Variants in MAP4K5 observed in about 807,000 individuals in gnomAD.
MAP4K5 encodes MAPK/ERK kinase kinase kinase 5.
MAP4K5 carries 82 observed loss-of-function variants against 135.6 expected under a neutral mutation model. The observed-to-expected ratio is 0.60, with a 90% CI of 0.51 to 0.73. The LOEUF (loss-of-function observed/expected upper bound fraction) is 0.73. MAP4K5 is among the 30% of genes least tolerant of loss of function. The pLI, the probability that MAP4K5 is intolerant of heterozygous loss-of-function variation, is 0.00. For missense variants in MAP4K5, 907 were observed against 1,010.9 expected, an observed-to-expected ratio of 0.90 and a Z score of 1.39; for synonymous variants, 347 against 335.0, an observed-to-expected ratio of 1.04 and a Z score of -0.39.
At chr14:50,522,650 T>C (rs916960288) in intron 2 of MAP4K5, among the ~76,000 whole-genome samples, 5 of 152,320 alleles carry the variant, frequency 3.3e-5, no homozygotes, top group African/African-American at 1.2e-4. Flanking sequence ...TCTTATTTTC[T>C]ACTGTTAAGC....
intron 2 of MAP4K5, among the ~76,000 whole-genome samples, chr14:50,505,873 C>T (rs953912142): frequency 1.3e-5 from 2 of 152,076 alleles, no homozygotes; most frequent in Non-Finnish European, 2.9e-5. Flanking sequence ...TTATTTAAGA[C>T]ATATTTGTTT....
At chr14:50,490,737 T>C (rs1595506408) in intron 3 of MAP4K5, among the ~76,000 whole-genome samples, 1 of 152,188 alleles carries the variant, frequency 6.6e-6, no homozygotes, top group South Asian at 2.1e-4. Flanking sequence ...GAGGGGCTGG[T>C]CTTTGCTCCC....
intron 28 of MAP4K5, among the ~76,000 whole-genome samples, chr14:50,431,367 G>T (rs1474331857): frequency 6.6e-6 from 1 of 152,038 alleles, no homozygotes; most frequent in Non-Finnish European, 1.5e-5. Flanking sequence ...TCGTCATCTA[G>T]CATTAGGTAT....
chr14:50,516,626 T>G (rs1308298155), intron 2 of MAP4K5, among the ~76,000 whole-genome samples: 1 of 152,214 alleles, frequency 6.6e-6, no homozygotes, highest in African/African-American at 2.4e-5. Context: ...TTTGCAGGAA[T>G]TTTTTTAAAG....
intron 3 of MAP4K5, 42 bp downstream of exon 3, chr14:50,504,758 T>C (rs1340090547): frequency 1.5e-6 from 2 of 1,370,252 alleles, no homozygotes; most frequent in African/African-American, 1.5e-5. Flanking sequence ...GAAAGAAATA[T>C]GGAAAACCCT....
intron 6 of MAP4K5, among the ~76,000 whole-genome samples, chr14:50,476,711 C>T (rs987897082): frequency 6.6e-6 from 1 of 152,250 alleles, no homozygotes; most frequent in South Asian, 2.1e-4. Flanking sequence ...ATCCACCCGC[C>T]TCAGCCTCCC....
At position 50,418,780 on chromosome 14, in the gene MAP4K5, C is replaced by T. The variant is rs2035659992; in HGVS notation, c.*1239G>A. ...TTATAGAGTTTGCTATTGCTAACCC[C>T]TTGTTCATCATCTCAATGCTGTTCT... On this transcript the variant is annotated 3_prime_UTR_variant, in exon 33 of 33. Transcript: ENST00000682126. The T allele has an allele frequency of 6.6e-6, 1 of 152,160 alleles. No homozygotes were observed. The highest frequency in any genetic ancestry group is 2.1e-4 in the South Asian group (1 of 4,830). 9.4% of individuals were successfully genotyped at this position (152,160 alleles called of 1,614,324 possible).
At chr14:50,427,437 G>A (rs1035467859) in intron 30 of MAP4K5, among the ~76,000 whole-genome samples, 1 of 152,078 alleles carries the variant, frequency 6.6e-6, no homozygotes, top group Non-Finnish European at 1.5e-5. Flanking sequence ...CTATTTTCAT[G>A]TAAAATGTCA....
intron 17 of MAP4K5, among the ~76,000 whole-genome samples, chr14:50,445,846 C>T (rs1286426969): frequency 2.0e-5 from 3 of 152,130 alleles, no homozygotes; most frequent in Non-Finnish European, 4.4e-5. Context: ...GGATTATATG[C>T]GTGAGCCACC....
At chr14:50,467,346 G>A (rs924002877) in intron 10 of MAP4K5, among the ~76,000 whole-genome samples, 17 of 151,510 alleles carry the variant, frequency 1.1e-4, no homozygotes, top group African/African-American at 4.1e-4. Context: ...AAAATTAAAT[G>A]ATTCAAAGGA....
At chr14:50,421,630 A>G (rs1333604584) in intron 32 of MAP4K5, among the ~76,000 whole-genome samples, 1 of 151,882 alleles carries the variant, frequency 6.6e-6, no homozygotes, top group Non-Finnish European at 1.5e-5. Context: ...TCTTAAAAAC[A>G]AGGAGATGCC....
At chr14:50,501,612 G>A (rs981417695) in intron 3 of MAP4K5, among the ~76,000 whole-genome samples, 1 of 151,980 alleles carries the variant, frequency 6.6e-6, no homozygotes, top group African/African-American at 2.4e-5. Flanking sequence ...ATAATGATAG[G>A]CCCAAGTATA....
At chr14:50,529,710 G>C (rs572754557) in intron 2 of MAP4K5, among the ~76,000 whole-genome samples, 30 of 152,246 alleles carry the variant, frequency 2.0e-4, no homozygotes, top group South Asian at 6.2e-4. Flanking sequence ...AAGATCGGGA[G>C]GATGTGAAAA....
intron 5 of MAP4K5, 154 bp from the exon 6 acceptor site, chr14:50,482,570 A>C: frequency 5.8e-6 from 3 of 520,494 alleles, no homozygotes; most frequent in Non-Finnish European, 1.0e-5. Context: ...CGAGGTCAAG[A>C]GCTCGAGACT....
chr14:50,499,479 G>A (rs558333058), intron 3 of MAP4K5, among the ~76,000 whole-genome samples: 26 of 152,148 alleles, frequency 1.7e-4, no homozygotes, highest in African/African-American at 5.1e-4. Context: ...ACAACATGGC[G>A]AAACTCTGTC....
chr14:50,514,148 G>C (rs980611288), intron 2 of MAP4K5, among the ~76,000 whole-genome samples: 1 of 152,126 alleles, frequency 6.6e-6, no homozygotes, highest in Non-Finnish European at 1.5e-5. Context: ...TGTGATCTCA[G>C]CTCACTGCAG....
chr14:50,524,779 C>T (rs2038226740), intron 2 of MAP4K5, among the ~76,000 whole-genome samples: 1 of 151,930 alleles, frequency 6.6e-6, no homozygotes, highest in Admixed American at 6.6e-5. Flanking sequence ...TAAGCAGGGC[C>T]TTAACAGGAA....
At chr14:50,434,695 C>T in intron 27 of MAP4K5, 124 bp from the exon 28 acceptor site, 2 of 878,384 alleles carry the variant, frequency 2.3e-6, no homozygotes, top group Non-Finnish European at 3.5e-6. Context: ...AAAGGATTAC[C>T]TCTAAGATGA....
chr14:50,460,122 A>G (rs2036678705), intron 13 of MAP4K5, among the ~76,000 whole-genome samples: 1 of 152,110 alleles, frequency 6.6e-6, no homozygotes, highest in Non-Finnish European at 1.5e-5. Context: ...ATTCTGATTT[A>G]TCCTTCAGGT....
Sources: gnomAD v4.1 joint callset for allele counts (sites outside exome capture counted in the v4.1 genomes callset) on GRCh38, gnomAD v4.1.1 for gene constraint, MANE v1.5 for transcripts, NCBI Gene and HGNC (gene_info 2026-07-23, HGNC 2026-07-21) for gene names.